PRKCA: variants seen among roughly 807,000 people sequenced by gnomAD.
The protein encoded by PRKCA is protein kinase C alpha type.
Under a neutral mutation model 87.0 loss-of-function variants are expected in PRKCA, and 27 were observed. That is an observed-to-expected ratio of 0.31 (90% CI 0.23 to 0.43). The LOEUF (loss-of-function observed/expected upper bound fraction) is 0.43. Ranked by LOEUF, PRKCA falls within the 20% of genes least tolerant of loss-of-function variation. The pLI is 1.00. For missense variants in PRKCA, 518 were observed against 852.3 expected, an observed-to-expected ratio of 0.61 and a Z score of 4.88; for synonymous variants, 329 against 311.1, an observed-to-expected ratio of 1.06 and a Z score of -0.61.
rs202110612 is a variant in PRKCA at position 66,555,721 on chromosome 17, T to TA, written c.288+59447dup. Among the ~76,000 whole-genome samples, 760 of 143,648 alleles carry TA rather than the reference T, an allele frequency of 5.3e-3. 2 individuals carry two copies. The highest frequency in any genetic ancestry group is 8.6e-3 in the Non-Finnish European group (555 of 64,532). The allele number at this position is 143,648 out of a possible 152,430, so 94.2% of individuals were successfully genotyped here. On this transcript the variant is annotated intron_variant, in intron 3 of 16. Transcript: ENST00000413366. ...ACAAGAAGCCTTTGGATTGCAGGTT[T>TA]AAAAAAAAATTTTTTTTTTATTGCT...
Position 66,442,704 on chromosome 17 carries a change from C to A in PRKCA, c.206-53497C>A, listed in dbSNP as rs34864181. Among the ~76,000 whole-genome samples the A allele has an allele frequency of 8.5e-3, 1,300 of 152,338 alleles. 14 individuals are homozygous for A. Among genetic ancestry groups the A allele is most frequent in the South Asian group, 0.018 (89 of 4,830 alleles). On this transcript the variant is annotated intron_variant, in intron 2 of 16. Transcript: ENST00000413366. ...CATGTTCACCTCTCCCATTAGACTG[C>A]AAGCTTAGCGAGGCCAGGGGCTGTT...
intron 8 of PRKCA, among the ~76,000 whole-genome samples, chr17:66,722,203 A>G (rs1973632255): frequency 6.6e-6 from 1 of 152,242 alleles, no homozygotes. Flanking sequence ...AAATTCAAAC[A>G]TAGCAGAGTG....
intron 3 of PRKCA, among the ~76,000 whole-genome samples, chr17:66,535,722 ATCTC>A (rs1465662203): frequency 3.3e-5 from 5 of 152,136 alleles, no homozygotes; most frequent in African/African-American, 1.2e-4. Context: ...CCTGGTCACT[ATCTC>A]TGTTCTCACA....
At chr17:66,717,539 C>T (rs1348770472) in intron 8 of PRKCA, among the ~76,000 whole-genome samples, 1 of 152,204 alleles carries the variant, frequency 6.6e-6, no homozygotes, top group Admixed American at 6.5e-5. Flanking sequence ...AGACTATCCC[C>T]AAGTTGCTTT....
intron 2 of PRKCA, among the ~76,000 whole-genome samples, chr17:66,329,899 C>G (rs1343494337): frequency 6.6e-6 from 1 of 152,070 alleles, no homozygotes; most frequent in Non-Finnish European, 1.5e-5. Flanking sequence ...TTTTTTCAAC[C>G]AGCCGGGATG....
chr17:66,680,847 C>T (rs890935028), intron 5 of PRKCA, among the ~76,000 whole-genome samples: 2 of 152,104 alleles, frequency 1.3e-5, no homozygotes, highest in Admixed American at 6.6e-5. Context: ...GTGTTGCCAC[C>T]GATCTAGCTT....
intron 14 of PRKCA, among the ~76,000 whole-genome samples, chr17:66,781,889 T>TATATA (rs1568030784): frequency 2.0e-5 from 2 of 97,728 alleles, no homozygotes; most frequent in Non-Finnish European, 4.1e-5. Flanking sequence ...ATATATATAG[T>TATATA]GTGTGTGTGT....
chr17:66,509,094 G>A (rs1269968404), intron 3 of PRKCA, among the ~76,000 whole-genome samples: 1 of 152,086 alleles, frequency 6.6e-6, no homozygotes, highest in Admixed American at 6.6e-5. Flanking sequence ...GTGTTTCCCA[G>A]TGTTTCATTG....
At chr17:66,768,179 AG>A (rs1254128522) in intron 13 of PRKCA, among the ~76,000 whole-genome samples, 2 of 151,236 alleles carry the variant, frequency 1.3e-5, no homozygotes, top group Admixed American at 1.3e-4. Context: ...CCTGACCTCA[AG>A]TGATCCGCCC....
chr17:66,611,559 T>C (rs577743195), intron 3 of PRKCA, among the ~76,000 whole-genome samples: 5 of 152,378 alleles, frequency 3.3e-5, no homozygotes, highest in Admixed American at 3.3e-4. Context: ...TGTATGGGTG[T>C]ACCACATTTT....
chr17:66,407,959 T>C (rs1911517602), intron 2 of PRKCA, among the ~76,000 whole-genome samples: 1 of 152,216 alleles, frequency 6.6e-6, no homozygotes, highest in East Asian at 1.9e-4. Flanking sequence ...AAAGCTGAAA[T>C]TCGTCTTTTT....
Position 66,803,165 on chromosome 17 carries a change from C to T in PRKCA, c.1855-708C>T, listed in dbSNP as rs550614941. On this transcript the variant is annotated intron_variant, in intron 16 of 16. Transcript: ENST00000413366. The surrounding 1 kb of genome is among the most constrained non-coding windows in gnomAD (Gnocchi z 4.4). ...AACAGCCGAGACAGCAGGCCTCTCCCTGCCTCCCCAGGGCGCCATGCAAAC... is the reference window on the plus strand; with the variant it reads ...AACAGCCGAGACAGCAGGCCTCTCCTTGCCTCCCCAGGGCGCCATGCAAAC... Among the ~76,000 whole-genome samples, 3 of 152,328 alleles carry T rather than the reference C, an allele frequency of 2.0e-5. No homozygotes were observed. The highest frequency in any genetic ancestry group is 4.1e-4 in the South Asian group (2 of 4,828).
chr17:66,563,991 C>T lies in PRKCA; in HGVS notation c.288+67708C>T, dbSNP rs201249877. ...CCTTCCTTCCTTCCTTCCTTCCTTC[C>T]TTCCTTCCTTCCTCCTTTCTTTCTC... On this transcript the variant is annotated intron_variant, in intron 3 of 16. Coordinates refer to ENST00000413366, the MANE Select transcript of PRKCA (RefSeq NM_002737.3). Among the ~76,000 whole-genome samples, 255 of 106,262 alleles carry T rather than the reference C, an allele frequency of 2.4e-3. 2 individuals carry two copies. Among genetic ancestry groups the T allele is most frequent in the African/African-American group, 8.6e-3 (233 of 27,236 alleles). 69.7% of individuals were successfully genotyped at this position (106,262 alleles called of 152,430 possible).
At chr17:66,618,000 T>C (rs1394327590) in intron 3 of PRKCA, among the ~76,000 whole-genome samples, 1 of 152,164 alleles carries the variant, frequency 6.6e-6, no homozygotes, top group Non-Finnish European at 1.5e-5. Context: ...GGCAACTTCA[T>C]TCTTTTAGTA....
At chr17:66,785,587 C>T (rs967400969) in intron 14 of PRKCA, among the ~76,000 whole-genome samples, 2 of 152,162 alleles carry the variant, frequency 1.3e-5, no homozygotes, top group African/African-American at 2.4e-5. Context: ...TGTGCCATCC[C>T]GCCAGAGTGA....
chr17:66,714,936 A>T (rs961868571), intron 8 of PRKCA, among the ~76,000 whole-genome samples: 1 of 152,130 alleles, frequency 6.6e-6, no homozygotes, highest in Non-Finnish European at 1.5e-5. Flanking sequence ...GGTTTTAAAA[A>T]CTGGTGTGGA....
chr17:66,458,739 C>T (rs1349943425), intron 2 of PRKCA, among the ~76,000 whole-genome samples: 1 of 152,126 alleles, frequency 6.6e-6, no homozygotes, highest in Non-Finnish European at 1.5e-5. Context: ...CCTCAGCCTC[C>T]TAAACTGCTG....
intron 3 of PRKCA, among the ~76,000 whole-genome samples, chr17:66,521,304 C>T (rs4791053): frequency 1.2e-4 from 18 of 151,936 alleles, no homozygotes; most frequent in Non-Finnish European, 2.5e-4. Flanking sequence ...ATAGTGATGG[C>T]GATCTATAGT....
chr17:66,581,879 G>A (rs1244351068), intron 3 of PRKCA, among the ~76,000 whole-genome samples: 1 of 152,114 alleles, frequency 6.6e-6, no homozygotes, highest in East Asian at 1.9e-4. Flanking sequence ...GGAAACCCTG[G>A]CACTGTCCTT....
Sources: gnomAD v4.1 joint callset for allele counts (sites outside exome capture counted in the v4.1 genomes callset) on GRCh38, gnomAD v4.1.1 for gene constraint, Gnocchi (gnomAD v3.1) non-coding constraint, MANE v1.5 for transcripts, NCBI Gene and HGNC (gene_info 2026-07-23, HGNC 2026-07-21) for gene names.